The following RPP30 variants were observed in gnomAD, a reference collection of about 807,000 sequenced individuals.
The protein encoded by RPP30 is ribonuclease P protein subunit p30.
Under a neutral mutation model 38.6 loss-of-function variants are expected in RPP30, and 36 were observed. That is an observed-to-expected ratio of 0.93 (90% CI 0.71 to 1.23). The LOEUF (loss-of-function observed/expected upper bound fraction) is 1.23. Among genes scored for constraint, RPP30 ranks in the 50% most tolerant of loss-of-function variants. RPP30 has a pLI of 0.00. For synonymous variants in RPP30, 126 were observed against 112.7 expected (o/e 1.12, Z -0.75); for missense variants, 321 against 321.7 (o/e 1.00, Z 0.02).
chr10:90,902,018 C>T lies in RPP30; in HGVS notation c.*1339C>T, dbSNP rs7908380. On this transcript the variant is annotated 3_prime_UTR_variant, in exon 11 of 11. Transcript: ENST00000371703. ...TTCACCGTGTTAGCCAGGATGGTCT[C>T]AATCTCCTGACCTCATATTCCACCC... is the stretch of plus-strand genomic sequence containing the variant. 0.036 allele frequency: 18,472 copies of T among 516,016 alleles called. 677 individuals are homozygous for T. Among genetic ancestry groups the T allele is most frequent in the East Asian group, 0.16 (1,107 of 6,728 alleles). The allele number at this position is 516,016 out of a possible 1,614,324, so 32.0% of individuals were successfully genotyped here. A position where few individuals can be genotyped will look rare whatever the true frequency, so the allele number is the denominator to read the frequency against.
intron 4 of RPP30, among the ~76,000 whole-genome samples, chr10:90,876,411 T>C (rs1345126708): frequency 6.6e-6 from 1 of 152,182 alleles, no homozygotes; most frequent in Non-Finnish European, 1.5e-5. Flanking sequence ...CTTGAACTTA[T>C]AAAGCTTAAA....
intron 7 of RPP30, 59 bp from the exon 8 acceptor site, chr10:90,895,395 A>G (rs1847128377): frequency 1.0e-6 from 1 of 985,392 alleles, no homozygotes; most frequent in Non-Finnish European, 1.5e-6. Flanking sequence ...TATTTATATT[A>G]TGAAACTCCT....
chr10:90,888,661 G>A (rs889398679), intron 6 of RPP30, among the ~76,000 whole-genome samples: 3 of 152,144 alleles, frequency 2.0e-5, no homozygotes, highest in African/African-American at 7.2e-5. Context: ...TGGGGCAGTG[G>A]GGCAACATGA....
At chr10:90,898,056 A>G (rs1454868458) in intron 10 of RPP30, among the ~76,000 whole-genome samples, 1 of 152,058 alleles carries the variant, frequency 6.6e-6, no homozygotes, top group Non-Finnish European at 1.5e-5. Flanking sequence ...CCCATTAACC[A>G]TCTTCACCTC....
chr10:90,882,338 A>G (rs1234538099), intron 5 of RPP30, among the ~76,000 whole-genome samples: 4 of 152,224 alleles, frequency 2.6e-5, no homozygotes, highest in South Asian at 2.1e-4. Flanking sequence ...AGTGTGCCTT[A>G]TAAAAACTAC....
At position 90,894,933 on chromosome 10, in the gene RPP30, T is replaced by TTTA. The variant is rs1389516120; in HGVS notation, c.549+49_549+51dup. 3 of 1,309,684 alleles carry TTTA rather than the reference T, an allele frequency of 2.3e-6. No homozygotes were observed. The South Asian group carries it at 3.5e-5, about 15-fold the overall frequency. 81.1% of individuals were successfully genotyped at this position (1,309,684 alleles called of 1,614,324 possible). Reference sequence around the variant, plus strand: ...TTAGGATGTTTTTCGCATCTGGCAGTTTATTATTAGTAGTACACTGGAATT... The same window carrying TTTA: ...TTAGGATGTTTTTCGCATCTGGCAGTTTATTATTATTAGTAGTACACTGGAATT... On this transcript the variant is annotated intron_variant, in intron 7 of 10. Transcript: ENST00000371703.
In RPP30 at chr10:90,879,277, A is replaced by C; in HGVS notation, c.342+143A>C. The C allele has an allele frequency of 4.7e-6, 3 of 631,588 alleles. No homozygotes were observed. In the South Asian group the frequency reaches 6.3e-5, roughly 13 times the overall value. The allele number at this position is 631,588 out of a possible 1,614,324, so 39.1% of individuals were successfully genotyped here. On this transcript the variant is annotated intron_variant, in intron 5 of 10. Coordinates refer to ENST00000371703, the MANE Select transcript of RPP30 (RefSeq NM_006413.5). Reference sequence around the variant, plus strand: ...ATACTTGGAGTTTCTAGAACCCCATAAGGGTATATATAACTGGTATTTGTG... The same window carrying C: ...ATACTTGGAGTTTCTAGAACCCCATCAGGGTATATATAACTGGTATTTGTG...
chr10:90,898,976 C>T (rs571682148), intron 10 of RPP30, among the ~76,000 whole-genome samples: 2 of 152,146 alleles, frequency 1.3e-5, no homozygotes, highest in South Asian at 4.2e-4. Context: ...TTTTCCTTGG[C>T]AAGATGATTA....
chr10:90,876,300 C>G (rs1319206164), intron 4 of RPP30, among the ~76,000 whole-genome samples: 1 of 152,162 alleles, frequency 6.6e-6, no homozygotes, highest in Non-Finnish European at 1.5e-5. Flanking sequence ...TGTAGTGATA[C>G]CACAATTAAA....
intron 6 of RPP30, among the ~76,000 whole-genome samples, chr10:90,893,410 C>T (rs1049951061): frequency 6.6e-6 from 1 of 152,184 alleles, no homozygotes; most frequent in Non-Finnish European, 1.5e-5. Context: ...ACCATACTGC[C>T]TAGAACATGC....
chr10:90,896,300 A>G lies in RPP30; in HGVS notation c.618-13A>G, dbSNP rs1191791230. The G allele has an allele frequency of 4.3e-6, 7 of 1,612,894 alleles. No homozygotes were observed. Among genetic ancestry groups the G allele is most frequent in the African/African-American group, 2.7e-5 (2 of 74,878 alleles). On this transcript the variant is annotated splice_polypyrimidine_tract_variant and intron_variant, in intron 9 of 10. Coordinates refer to ENST00000371703, the MANE Select transcript of RPP30 (RefSeq NM_006413.5). ...GGGTGACTCTGGGTTGAAATCTTTA[A>G]TGCTCCCCCAAGAGGCTTGCTGTTT...
chr10:90,900,189 G>C (rs1847184542), intron 10 of RPP30, among the ~76,000 whole-genome samples: 1 of 152,174 alleles, frequency 6.6e-6, no homozygotes, highest in Non-Finnish European at 1.5e-5. Flanking sequence ...GCAAGCATGT[G>C]CTCCACATGG....
intron 10 of RPP30, among the ~76,000 whole-genome samples, chr10:90,897,020 G>T (rs939603300): frequency 9.2e-5 from 14 of 151,980 alleles, no homozygotes; most frequent in African/African-American, 3.4e-4. Context: ...CTCCCAAAGT[G>T]CTAGGATTAC....
At chr10:90,895,991 G>T in intron 9 of RPP30, 74 bp downstream of exon 9, 1 of 1,141,306 alleles carries the variant, frequency 8.8e-7, no homozygotes, top group South Asian at 1.4e-5. Context: ...TATTATAGTT[G>T]AACATGTATT....
chr10:90,874,045 G>A (rs774884352), intron 1 of RPP30, among the ~76,000 whole-genome samples: 1 of 152,162 alleles, frequency 6.6e-6, no homozygotes, highest in Non-Finnish European at 1.5e-5. Context: ...CCAGTTTAGG[G>A]CTTGTCAAGT....
rs145494531 is a variant in RPP30 at position 90,890,837 on chromosome 10, A to G, written c.433-3938A>G. Among the ~76,000 whole-genome samples, 1,040 of 152,326 alleles carry G rather than the reference A, an allele frequency of 6.8e-3. 12 individuals carry two copies. Among genetic ancestry groups the G allele is most frequent in the African/African-American group, 0.023 (971 of 41,574 alleles). On this transcript the variant is annotated intron_variant, in intron 6 of 10. Coordinates refer to ENST00000371703, the MANE Select transcript of RPP30 (RefSeq NM_006413.5). Reference sequence around the variant, plus strand: ...AATAAGTTAAAAAAAAAGATGAACAATACCAAAAAATGGATTAAGAATATG... The same window carrying G: ...AATAAGTTAAAAAAAAAGATGAACAGTACCAAAAAATGGATTAAGAATATG...
chr10:90,896,037 A>G, intron 9 of RPP30, 120 bp downstream of exon 9: 1 of 757,328 alleles, frequency 1.3e-6, no homozygotes, highest in East Asian at 2.7e-5. Context: ...ACCAATTAAT[A>G]ACTTCAAAAA....
At chr10:90,877,530 G>C (rs1846868444) in intron 4 of RPP30, among the ~76,000 whole-genome samples, 1 of 151,754 alleles carries the variant, frequency 6.6e-6, no homozygotes, top group Non-Finnish European at 1.5e-5. Flanking sequence ...GACTACCCTA[G>C]AAGTAGAAGG....
chr10:90,903,361 T>A, downstream of RPP30: 1 of 757,338 alleles, frequency 1.3e-6, no homozygotes, highest in South Asian at 1.7e-5. Context: ...CGTCCCACCT[T>A]AATTTATGAA....
Sources: allele counts gnomAD v4.1 joint callset (sites outside exome capture counted in the v4.1 genomes callset), GRCh38; gene constraint gnomAD v4.1.1; transcripts MANE v1.5; gene names NCBI Gene and HGNC (gene_info 2026-07-23, HGNC 2026-07-21).